TOP3B: variants seen among roughly 807,000 people sequenced by gnomAD.
TOP3B encodes the protein DNA topoisomerase 3-beta-1.
A neutral mutation model predicts 93.9 loss-of-function variants in TOP3B; 45 were observed. The observed-to-expected ratio is 0.48, with a 90% CI of 0.38 to 0.61. TOP3B has a LOEUF of 0.61. Among genes scored for constraint, TOP3B ranks in the 20% least tolerant of loss-of-function variants. TOP3B has a pLI of 0.00. For missense variants in TOP3B, 750 were observed against 1,156.1 expected (o/e 0.65, Z 5.09); for synonymous variants, 357 against 472.6 (o/e 0.76, Z 3.17).
chr22:21,965,449 G>A (rs758559211), intron 8 of TOP3B, 74 bp from the exon 9 acceptor site: 1 of 953,668 alleles, frequency 1.0e-6, no homozygotes, highest in Non-Finnish European at 1.6e-6. Context: ...ATGTGTGGAC[G>A]AAGGGTCTGG....
At chr22:21,981,029 C>A (rs1292362827) in intron 1 of TOP3B, among the ~76,000 whole-genome samples, 1 of 152,186 alleles carries the variant, frequency 6.6e-6, no homozygotes, top group African/African-American at 2.4e-5. Flanking sequence ...CTTCTCTCAC[C>A]CTGGGAAGCC....
In TOP3B at chr22:21,963,854, G is replaced by C. The variant is rs1382088346; in HGVS notation, c.1204+69C>G. ...AGCCCCCACATTGCCAACAGGGCCT[G>C]CAACCTTCACTGTCGCAGCTCGCCC... On this transcript the variant is annotated intron_variant, in intron 11 of 17. Coordinates refer to ENST00000357179, the MANE Select transcript of TOP3B (RefSeq NM_001282112.2). This position sits in a 1 kb window ranked among gnomAD's most constrained non-coding sequence, Gnocchi z 4.8. 6.5e-7 allele frequency: 1 copy of C among 1,545,458 alleles called. No homozygotes were observed. The highest frequency in any genetic ancestry group is 1.4e-5 in the African/African-American group (1 of 73,584).
chr22:21,973,951 TCCA>T (rs1208591746), intron 3 of TOP3B: 1 of 154,278 alleles, frequency 6.5e-6, no homozygotes, highest in African/African-American at 2.4e-5. Context: ...TACTGGCGCT[TCCA>T]AGGTAATTGA....
intron 16 of TOP3B, 60 bp downstream of exon 16, chr22:21,959,072 A>G: frequency 5.0e-6 from 8 of 1,587,244 alleles, no homozygotes; most frequent in Non-Finnish European, 6.9e-6. Context: ...CTGATCAACG[A>G]TAAAGCTGAG....
At chr22:21,962,970 G>T in intron 11 of TOP3B, 77 bp from the exon 12 acceptor site, 1 of 1,547,896 alleles carries the variant, frequency 6.5e-7, no homozygotes, top group Non-Finnish European at 8.8e-7. Flanking sequence ...ACTCTCGCTC[G>T]AGCAGCAAGC....
intron 8 of TOP3B, chr22:21,967,400 G>C: frequency 1.7e-6 from 1 of 580,506 alleles, no homozygotes; most frequent in Non-Finnish European, 3.1e-6. Context: ...CGGGCATGCA[G>C]TACACTGTGA....
chr22:21,967,561 C>CA (rs2071461583), intron 8 of TOP3B, 42 bp downstream of exon 8: 1 of 1,557,020 alleles, frequency 6.4e-7, no homozygotes, highest in Non-Finnish European at 8.9e-7. Flanking sequence ...GGGCCACCCT[C>CA]ACCCAAGGCA....
chr22:21,968,038 G>A, intron 7 of TOP3B: 1 of 340,674 alleles, frequency 2.9e-6, no homozygotes, highest in Non-Finnish European at 5.5e-6. Context: ...GGTAGGTATG[G>A]CCACCGCCAG....
At chr22:21,975,119 C>A (rs1446836373) in intron 2 of TOP3B, 1 of 153,146 alleles carries the variant, frequency 6.5e-6, no homozygotes. Flanking sequence ...GGAAACAGCA[C>A]CCTACCAACC....
intron 2 of TOP3B, chr22:21,975,078 C>G (rs529008357): frequency 6.5e-6 from 1 of 152,890 alleles, no homozygotes; most frequent in South Asian, 2.1e-4. Flanking sequence ...ATCTAAAACT[C>G]TTCCTATTTG....
rs765755281 is a variant in TOP3B, at chr22:21,965,245, G to A, written c.943+40C>T. On this transcript the variant is annotated intron_variant, in intron 9 of 17. Transcript: ENST00000357179. The stretch of plus-strand genomic sequence containing the variant: ...GCTGCTCCAGGCTGAACCTGCCTCA[G>A]GAAGCCTTCTGGTGACTTGAGAGAA... 1.3e-6 allele frequency: 2 copies of A among 1,501,368 alleles called. 1 individual carries two copies. Among genetic ancestry groups the A allele is most frequent in the Admixed American group, 4.0e-5 (2 of 50,604 alleles). The allele number at this position is 1,501,368 out of a possible 1,614,324, so 93.0% of individuals were successfully genotyped here.
chr22:21,975,905 C>G (rs1181662537), intron 1 of TOP3B, 98 bp from the exon 2 acceptor site: 2 of 824,948 alleles, frequency 2.4e-6, no homozygotes, highest in East Asian at 7.0e-5. Flanking sequence ...CAAGACCAAC[C>G]TGAGGCAAGA....
chr22:21,974,487 C>A lies in TOP3B; in HGVS notation c.72G>T (p.Gly24=). ...AQSIAKILSR[G]SLSSHKGLNG... is the part of the protein sequence containing the mutation. ...TCAGCCCTTTGTGTGAGGACAGGCT[C>A]CCTGGGGATGAGGAAGCACAAAGTG... Residue 24 remains glycine (G), a splice_region_variant and synonymous_variant, in exon 3 of 18, where the codon GGG becomes GGT. Transcript: ENST00000357179. 6.2e-7 allele frequency: 1 copy of A among 1,604,958 alleles called. No homozygotes were observed. The highest frequency in any genetic ancestry group is 8.5e-7 in the Non-Finnish European group (1 of 1,174,914).
At chr22:21,965,178 C>CCTGCAA (rs1436519944) in intron 9 of TOP3B, 107 bp downstream of exon 9, 3 of 649,340 alleles carry the variant, frequency 4.6e-6, no homozygotes, top group Non-Finnish European at 7.3e-6. Context: ...AGGCTCAGAT[C>CCTGCAA]CCCTTGAAGC....
chr22:21,977,610 G>A (rs2071931784), intron 1 of TOP3B: 1 of 150,022 alleles, frequency 6.7e-6, no homozygotes. Flanking sequence ...AACAACACTC[G>A]CAGAAGAAAC....
Position 21,971,952 on chromosome 22 carries a change from C to T in TOP3B, c.310-1G>A. 6.2e-7 allele frequency: 1 copy of T among 1,612,596 alleles called. No homozygotes were observed. Among genetic ancestry groups the T allele is most frequent in the Admixed American group, 1.7e-5 (1 of 59,792 alleles). On this transcript the variant is annotated splice_acceptor_variant, in intron 4 of 17. Coordinates refer to ENST00000357179, the MANE Select transcript of TOP3B (RefSeq NM_001282112.2). LOFTEE classifies it high-confidence loss of function. The surrounding 1 kb of genome is among the most constrained non-coding windows in gnomAD (Gnocchi z 4.6). ...TGTAGTCGCAGCCTCTGCCCTCCAC[C>T]TGCCACACAGCACAGGTTCACACGT... is the stretch of plus-strand genomic sequence containing the variant.
Position 21,968,669 on chromosome 22 carries a change from C to G in TOP3B, c.688G>C (p.Asp230His), listed in dbSNP as rs1398077231. 3.7e-6 allele frequency: 6 copies of G among 1,614,208 alleles called. No individual in the cohort carries two copies. The highest frequency in any genetic ancestry group is 5.1e-6 in the Non-Finnish European group (6 of 1,180,042). The change falls in exon 7 of 18, where the codon GAT becomes CAT. Residue 230 changes from aspartate to histidine, a missense_variant. Asp to His is a moderately conservative substitution (Grantham distance 81). Coordinates refer to ENST00000357179, the MANE Select transcript of TOP3B (RefSeq NM_001282112.2). ...PTLGFCVERH[D>H]KIQSFKPETY... ...TCTGGTTTGAAGGACTGGATTTTAT[C>G]ATGTCTCTCCACACAGAATCCCAGG...
intron 1 of TOP3B, among the ~76,000 whole-genome samples, chr22:21,979,314 C>CAA (rs964811599): frequency 6.6e-5 from 10 of 151,994 alleles, no homozygotes; most frequent in African/African-American, 2.4e-4. Flanking sequence ...GTCAAAGAAG[C>CAA]AACTCCCAGA....
rs201434535 is a variant in TOP3B at position 21,962,884 on chromosome 22, G to A, written c.1214C>T (p.Ala405Val). ...SATEAELGGD[A>V]WRLYEYITRH... is the part of the protein sequence containing the mutation. ...GGTGATGTACTCATAGAGCCGCCAC[G>A]CGTCACCCCCTGCAACAGGCCAGGG... is the stretch of plus-strand genomic sequence containing the variant. The change falls in exon 12 of 18, where the codon GCG becomes GTG. Residue 405 changes from alanine to valine, a missense_variant. By Grantham distance (64) the Ala-to-Val change is moderately conservative (BLOSUM62 0). Transcript: ENST00000357179. 9.0e-5 allele frequency: 145 copies of A among 1,613,144 alleles called. No homozygotes were observed. The highest frequency in any genetic ancestry group is 4.1e-4 in the African/African-American group (31 of 75,014).
Sources: allele counts gnomAD v4.1 joint callset (sites outside exome capture counted in the v4.1 genomes callset), GRCh38; gene constraint gnomAD v4.1.1; non-coding constraint Gnocchi (gnomAD v3.1); transcripts MANE v1.5; gene names NCBI Gene and HGNC (gene_info 2026-07-23, HGNC 2026-07-21).